ABCA13: variants seen among roughly 807,000 people sequenced by gnomAD.
The protein encoded by ABCA13 is ATP-binding cassette sub-family A member 13.
In ABCA13, 476 loss-of-function variants were observed where a neutral mutation model predicts 478.7. The ratio of observed to expected loss-of-function variants is 0.99; its 90% CI spans 0.92 to 1.07. ABCA13 has a LOEUF of 1.07. Among genes scored for constraint, ABCA13 ranks in the 50% least tolerant of loss-of-function variants. ABCA13 has a pLI of 0.00. For synonymous variants in ABCA13, 2,252 were observed against 2,158.9 expected (o/e 1.04, Z -1.20); for missense variants, 6,060 against 5,910.6 (o/e 1.03, Z -0.83).
chr7:48,351,759 A>G lies in ABCA13; in HGVS notation c.10382-422A>G, dbSNP rs575838282. On this transcript the variant is annotated intron_variant, in intron 30 of 61. Transcript: ENST00000435803. ...GATTTAGCTGTGATAGGCTTTATGC[A>G]TACAATTCAAAGAATCCGTGTGGCA... 3.9e-5 allele frequency among the ~76,000 whole-genome samples: 6 copies of G among 152,352 alleles called. No homozygotes were observed. The South Asian group carries it at 8.3e-4, about 21-fold the overall frequency.
intron 48 of ABCA13, among the ~76,000 whole-genome samples, chr7:48,492,516 T>G (rs1300971320): frequency 6.6e-6 from 1 of 152,190 alleles, no homozygotes; most frequent in Non-Finnish European, 1.5e-5. Flanking sequence ...GTATTTTAAA[T>G]GTGTCTCCCA....
chr7:48,473,881 A>C (rs1283204443), intron 45 of ABCA13, among the ~76,000 whole-genome samples: 1 of 152,200 alleles, frequency 6.6e-6, no homozygotes, highest in Non-Finnish European at 1.5e-5. Flanking sequence ...CTTAGACGAA[A>C]GATACACATG....
intron 15 of ABCA13, among the ~76,000 whole-genome samples, chr7:48,265,706 T>C (rs562984949): frequency 3.3e-5 from 5 of 151,856 alleles, no homozygotes; most frequent in Non-Finnish European, 7.4e-5. Context: ...AATCATGTTA[T>C]CTGTGAATAA....
chr7:48,338,282 A>G lies in ABCA13; in HGVS notation c.10114-83A>G, dbSNP rs962298566. 21 of 1,024,172 alleles carry G rather than the reference A, an allele frequency of 2.1e-5. No homozygotes were observed. In the African/African-American group the frequency reaches 3.3e-4, roughly 16 times the overall value. 63.4% of individuals were successfully genotyped at this position (1,024,172 alleles called of 1,614,324 possible). ...TATGTGCCTTGTTCCTTTGTAATGA[A>G]ACTTTGAATAAGTCTAATAAGTATT... On this transcript the variant is annotated intron_variant, in intron 28 of 61. Coordinates refer to ENST00000435803, the MANE Select transcript of ABCA13 (RefSeq NM_152701.5).
In ABCA13 at chr7:48,272,921, ATTC is replaced by A; in HGVS notation, c.3259_3261del (p.Phe1087del). ...TTTCTTTATTTCAATATATGAGCCA[ATTC>A]TTCAACAGTTCAGTAGAAGACCTAT... On this transcript the variant is annotated inframe_deletion, in exon 17 of 62. Transcript: ENST00000435803. 6.2e-7 allele frequency: 1 copy of A among 1,612,844 alleles called. No individual in the cohort carries two copies. Among genetic ancestry groups the A allele is most frequent in the Non-Finnish European group, 8.5e-7 (1 of 1,179,312 alleles).
Position 48,272,685 on chromosome 7 carries a change from A to G in ABCA13, c.3019A>G (p.Ile1007Val), listed in dbSNP as rs1295759050. ...DIIKQFNFQNISKAFAFLFKT... is the reference protein window; with the variant it reads ...DIIKQFNFQNVSKAFAFLFKT... ...CATAAAACAATTTAATTTCCAAAAC[A>G]TCAGTAAAGCATTTGCATTTTTATT... is the stretch of plus-strand genomic sequence containing the variant. The change falls in exon 17 of 62, where the codon ATC becomes GTC. Residue 1007 changes from isoleucine (I) to valine (V), a missense_variant. By Grantham distance (29) the Ile-to-Val change is conservative (BLOSUM62 3). Transcript: ENST00000435803. 6.2e-7 allele frequency: 1 copy of G among 1,612,518 alleles called. No individual in the cohort carries two copies. Among genetic ancestry groups the G allele is most frequent in the African/African-American group, 1.3e-5 (1 of 74,914 alleles).
chr7:48,478,321 A>C (rs971574699), intron 45 of ABCA13, among the ~76,000 whole-genome samples: 2 of 145,166 alleles, frequency 1.4e-5, no homozygotes, highest in African/African-American at 2.6e-5. Flanking sequence ...AATCACACAC[A>C]CCCATTATGG....
chr7:48,376,669 A>C, intron 35 of ABCA13, 97 bp downstream of exon 35: 1 of 1,320,532 alleles, frequency 7.6e-7, no homozygotes, highest in East Asian at 2.5e-5. Flanking sequence ...TTCTTTAAGG[A>C]AGATCCAGAA....
In ABCA13 at chr7:48,279,489, T is replaced by G. The variant is rs751125385; in HGVS notation, c.8295T>G (p.Thr2765=). 1.4e-5 allele frequency: 22 copies of G among 1,612,718 alleles called. No homozygotes were observed. In the Admixed American group the frequency reaches 3.5e-4, roughly 26 times the overall value. ...WNVSNVLMTF[T]QHPNNLLKTI... is the part of the protein sequence containing the mutation. ...TTTCTAATGTGTTGATGACATTTAC[T>G]CAGCATCCAAATAACCTTTTGAAAA... The change falls in exon 18 of 62, where the codon ACT becomes ACG. Residue 2765 remains threonine (T), a synonymous_variant. Transcript: ENST00000435803.
At chr7:48,295,208 T>C (rs1179950795) in intron 20 of ABCA13, among the ~76,000 whole-genome samples, 1 of 152,228 alleles carries the variant, frequency 6.6e-6, no homozygotes, top group Non-Finnish European at 1.5e-5. Context: ...TCTTGTCTTT[T>C]TGATAACAGC....
intron 55 of ABCA13, among the ~76,000 whole-genome samples, chr7:48,552,174 G>A (rs1228636995): frequency 6.6e-6 from 1 of 150,674 alleles, no homozygotes; most frequent in Non-Finnish European, 1.5e-5. Context: ...CATTCTGGAG[G>A]GCCTTAAAAA....
intron 39 of ABCA13, among the ~76,000 whole-genome samples, chr7:48,406,872 C>CA (rs1818330203): frequency 6.6e-6 from 1 of 150,518 alleles, no homozygotes; most frequent in Admixed American, 6.6e-5. Flanking sequence ...GGCTCCATCT[C>CA]AAAAAATAAA....
At chr7:48,515,491 A>T (rs1294602034) in intron 51 of ABCA13, among the ~76,000 whole-genome samples, 1 of 152,182 alleles carries the variant, frequency 6.6e-6, no homozygotes, top group Non-Finnish European at 1.5e-5. Flanking sequence ...TCCTGATGTC[A>T]TCTGACACAT....
chr7:48,202,485 G>T (rs1295781482), intron 3 of ABCA13, among the ~76,000 whole-genome samples: 2 of 141,968 alleles, frequency 1.4e-5, no homozygotes, highest in Admixed American at 7.0e-5. Context: ...TAGACATAAA[G>T]ATTCTCCAAG....
intron 39 of ABCA13, chr7:48,404,138 A>G (rs1817968503): frequency 2.5e-6 from 1 of 403,082 alleles, no homozygotes; most frequent in African/African-American, 2.1e-5. Context: ...ATTATCATAC[A>G]TGATTTCAAG....
rs749054491 is a variant in ABCA13, at chr7:48,594,743, AAGCG to A, written c.14675_14678del (p.Lys4892SerfsTer7). The A allele has an allele frequency of 6.2e-7, 1 of 1,613,938 alleles. No homozygotes were observed. The highest frequency in any genetic ancestry group is 1.1e-5 in the South Asian group (1 of 91,086). On this transcript the variant is annotated frameshift_variant, in exon 58 of 62. Coordinates refer to ENST00000435803, the MANE Select transcript of ABCA13 (RefSeq NM_152701.5). LOFTEE classifies it high-confidence loss of function. ...CAGCTCTGGGATGGATCCCTGCTCT[AAGCG>A]GTACCTGTGGCAAACAATAATGAAG...
At chr7:48,443,619 T>A (rs928802514) in intron 42 of ABCA13, among the ~76,000 whole-genome samples, 8 of 152,208 alleles carry the variant, frequency 5.3e-5, no homozygotes, top group Non-Finnish European at 1.2e-4. Flanking sequence ...AGCATTTTTA[T>A]CATTTGGAGT....
chr7:48,430,334 C>G (rs1432682903), intron 42 of ABCA13, among the ~76,000 whole-genome samples: 2 of 152,112 alleles, frequency 1.3e-5, no homozygotes, highest in African/African-American at 4.8e-5. Flanking sequence ...TATTGGCATA[C>G]AATTGTTCAT....
chr7:48,553,595 C>T (rs1410714986), intron 55 of ABCA13, among the ~76,000 whole-genome samples: 1 of 151,980 alleles, frequency 6.6e-6, no homozygotes, highest in East Asian at 1.9e-4. Flanking sequence ...ACCTGTTTGT[C>T]ATTTGTATGC....
Sources: allele counts gnomAD v4.1 joint callset (sites outside exome capture counted in the v4.1 genomes callset), GRCh38; gene constraint gnomAD v4.1.1; transcripts MANE v1.5; gene names NCBI Gene and HGNC (gene_info 2026-07-23, HGNC 2026-07-21).